The following ATP13A5 variants were observed in gnomAD, a reference collection of about 807,000 sequenced individuals.
ATP13A5 encodes ATPase 13A5.
Under a neutral mutation model 150.2 loss-of-function variants are expected in ATP13A5, and 149 were observed. That is an observed-to-expected ratio of 0.99 (90% CI 0.87 to 1.14). The LOEUF is 1.14. ATP13A5 is among the 50% of genes most tolerant of loss of function. The pLI, the probability that ATP13A5 is intolerant of heterozygous loss-of-function variation, is 0.00. For synonymous variants in ATP13A5, 497 were observed against 522.2 expected, an observed-to-expected ratio of 0.95 and a Z score of 0.66; for missense variants, 1,383 against 1,449.3, an observed-to-expected ratio of 0.95 and a Z score of 0.74.
In ATP13A5 at chr3:193,321,791, G is replaced by A. The variant is rs149839711; in HGVS notation, c.1805C>T (p.Ser602Leu). Reference protein sequence around the residue: ...IITLCQFPFSSSLQRMSVIAQ... With the variant: ...IITLCQFPFSLSLQRMSVIAQ... ...GATCACGGACATCCTCTGCAGGCTC[G>A]AGGAAAATGGAAACTGGCACAAGGT... The change falls in exon 16 of 30, where the codon TCG becomes TTG. Residue 602 changes from serine to leucine, a missense_variant. This residue lies in a region of ATP13A5 where 787 missense variants were observed against 771.9 expected (regional missense o/e 1.02). Coordinates refer to ENST00000342358, the MANE Select transcript of ATP13A5 (RefSeq NM_198505.4). 3.7e-6 allele frequency: 6 copies of A among 1,613,958 alleles called. No individual in the cohort carries two copies. The highest frequency in any genetic ancestry group is 2.2e-5 in the East Asian group (1 of 44,894).
chr3:193,362,127 A>AG lies in ATP13A5; in HGVS notation c.536+253_536+254insC, dbSNP rs549771299. Among the ~76,000 whole-genome samples, 252 of 152,364 alleles carry AG rather than the reference A, an allele frequency of 1.7e-3. 2 individuals are homozygous for AG. The highest frequency in any genetic ancestry group is 1.4e-3 in the Non-Finnish European group (92 of 68,028). On this transcript the variant is annotated intron_variant, in intron 5 of 29. Coordinates refer to ENST00000342358, the MANE Select transcript of ATP13A5 (RefSeq NM_198505.4). ...TTTTTAAGAAAGGAAAAATAAAAAA[A>AG]CAACACAAAGATGATTGCTCTACAA...
chr3:193,333,396 C>T (rs1330883988), intron 11 of ATP13A5, among the ~76,000 whole-genome samples: 1 of 152,180 alleles, frequency 6.6e-6, no homozygotes, highest in Admixed American at 6.5e-5. Flanking sequence ...ACAACCCTTC[C>T]CTCCCTAGCC....
At chr3:193,358,389 A>G (rs895581179) in intron 5 of ATP13A5, among the ~76,000 whole-genome samples, 1 of 152,224 alleles carries the variant, frequency 6.6e-6, no homozygotes, top group African/African-American at 2.4e-5. Flanking sequence ...CATGGCATCC[A>G]ACTTCTGGGA....
chr3:193,321,605 T>C (rs1719280004), intron 16 of ATP13A5, 76 bp downstream of exon 16: 2 of 1,535,958 alleles, frequency 1.3e-6, no homozygotes, highest in Admixed American at 1.8e-5. Context: ...CACTCCAGCC[T>C]TGGGGACAGA....
At chr3:193,344,262 A>C (rs1160661262) in intron 8 of ATP13A5, among the ~76,000 whole-genome samples, 1 of 152,214 alleles carries the variant, frequency 6.6e-6, no homozygotes, top group Non-Finnish European at 1.5e-5. Context: ...TTAGCTAAGC[A>C]ACAGGATCCC....
At chr3:193,347,739 A>T (rs1276057651) in intron 7 of ATP13A5, among the ~76,000 whole-genome samples, 1 of 152,166 alleles carries the variant, frequency 6.6e-6, no homozygotes, top group Non-Finnish European at 1.5e-5. Flanking sequence ...GCTAGTCCCT[A>T]GGACGTCCAC....
intron 25 of ATP13A5, 61 bp downstream of exon 25, chr3:193,299,070 C>T: frequency 7.2e-7 from 1 of 1,390,336 alleles, no homozygotes; most frequent in Admixed American, 2.4e-5. Flanking sequence ...TTTTGTGTGA[C>T]TGTTTCTAGA....
intron 5 of ATP13A5, among the ~76,000 whole-genome samples, chr3:193,355,238 G>C (rs1035446625): frequency 6.6e-6 from 1 of 152,108 alleles, no homozygotes; most frequent in Admixed American, 6.6e-5. Flanking sequence ...GGCCTACAAT[G>C]TAACTTTTAA....
intron 9 of ATP13A5, among the ~76,000 whole-genome samples, chr3:193,338,811 A>G (rs1711999534): frequency 6.6e-6 from 1 of 152,204 alleles, no homozygotes; most frequent in South Asian, 2.1e-4. Flanking sequence ...AAGGACTGGT[A>G]CCAGCTTCTC....
intron 7 of ATP13A5, among the ~76,000 whole-genome samples, chr3:193,349,197 G>C (rs1048356038): frequency 2.6e-5 from 4 of 152,100 alleles, no homozygotes; most frequent in African/African-American, 9.7e-5. Context: ...GGTTGGGTTA[G>C]GTACCCTTTT....
chr3:193,344,597 G>T (rs967401993), intron 8 of ATP13A5, among the ~76,000 whole-genome samples: 1 of 152,122 alleles, frequency 6.6e-6, no homozygotes, highest in African/African-American at 2.4e-5. Context: ...TGTGATGCAG[G>T]GTCTGTTTGG....
At chr3:193,308,977 T>C (rs59017209) in intron 21 of ATP13A5, among the ~76,000 whole-genome samples, 42,031 of 152,064 alleles carry the variant, frequency 0.28, 6,165 homozygotes, top group East Asian at 0.57. Context: ...GACTTCCCTA[T>C]GAATGCTTGG....
intron 6 of ATP13A5, among the ~76,000 whole-genome samples, chr3:193,351,534 T>C (rs909390897): frequency 3.3e-5 from 5 of 152,230 alleles, no homozygotes; most frequent in Non-Finnish European, 7.3e-5. Context: ...GGGAGGTACA[T>C]GATTCAGTCT....
intron 14 of ATP13A5, among the ~76,000 whole-genome samples, 155 bp downstream of exon 14, chr3:193,324,709 T>G (rs951582778): frequency 6.6e-6 from 1 of 152,208 alleles, no homozygotes; most frequent in African/African-American, 2.4e-5. Context: ...ACAGAATTCT[T>G]TGGGGGCACA....
chr3:193,289,268 A>T (rs551782783), intron 26 of ATP13A5, among the ~76,000 whole-genome samples: 14 of 152,254 alleles, frequency 9.2e-5, no homozygotes, highest in African/African-American at 3.4e-4. Flanking sequence ...AAGCCCAGGG[A>T]GGTAAAGAGA....
In ATP13A5 at chr3:193,311,903, A is replaced by G; in HGVS notation, c.2358T>C (p.Arg786=). 6.2e-7 allele frequency: 1 copy of G among 1,613,948 alleles called. No individual in the cohort carries two copies. The change falls in exon 20 of 30, where the codon CGT becomes CGC. Residue 786 remains arginine, a synonymous_variant. Transcript: ENST00000342358. ...AATGGTAACAGCTTCCTCCTTCCCC[A>G]CGAGGGGTTGAACTGTTTCCAGTAT... is the stretch of plus-strand genomic sequence containing the variant. The part of the protein sequence containing the change: ...YMHTGNSSTP[R]GEGGSCYHFA...
At chr3:193,299,917 A>G (rs879098227) in intron 24 of ATP13A5, among the ~76,000 whole-genome samples, 1 of 152,198 alleles carries the variant, frequency 6.6e-6, no homozygotes, top group Admixed American at 6.5e-5. Context: ...GACCAGATTT[A>G]TGCACATGGA....
intron 9 of ATP13A5, among the ~76,000 whole-genome samples, chr3:193,337,046 T>G (rs1577357354): frequency 6.6e-6 from 1 of 152,232 alleles, no homozygotes; most frequent in East Asian, 1.9e-4. Flanking sequence ...TTTTGAGAAG[T>G]GTCTGTTCAT....
At chr3:193,349,744 A>G (rs1712490752) in intron 7 of ATP13A5, among the ~76,000 whole-genome samples, 1 of 152,158 alleles carries the variant, frequency 6.6e-6, no homozygotes. Flanking sequence ...AAATATCAAT[A>G]TAACTCCAGA....
Sources: allele counts gnomAD v4.1 joint callset (sites outside exome capture counted in the v4.1 genomes callset), GRCh38; gene constraint gnomAD v4.1.1; regional missense constraint gnomAD v4.1.1; transcripts MANE v1.5; gene names NCBI Gene and HGNC (gene_info 2026-07-23, HGNC 2026-07-21).